The following CEP162 variants were observed in gnomAD, a reference collection of about 807,000 sequenced individuals.
CEP162 encodes centrosomal protein 162.
CEP162 carries 141 observed loss-of-function variants against 169.2 expected under a neutral mutation model. The ratio of observed to expected loss-of-function variants is 0.83; its 90% CI spans 0.73 to 0.96. CEP162 has a LOEUF of 0.96. Ranked by LOEUF, CEP162 falls within the 40% of genes least tolerant of loss-of-function variation. The pLI is 0.00. For missense variants in CEP162, 1,600 were observed against 1,587.2 expected, an observed-to-expected ratio of 1.01 and a Z score of -0.14; for synonymous variants, 540 against 526.4, an observed-to-expected ratio of 1.03 and a Z score of -0.35.
intron 7 of CEP162, among the ~76,000 whole-genome samples, chr6:84,202,249 T>C (rs1026477628): frequency 3.3e-5 from 5 of 152,184 alleles, no homozygotes; most frequent in Admixed American, 3.3e-4. Context: ...ACCAAACAGC[T>C]AGACAGCTGA....
chr6:84,132,192 A>G (rs1372677132), intron 25 of CEP162, among the ~76,000 whole-genome samples: 1 of 152,176 alleles, frequency 6.6e-6, no homozygotes, highest in Non-Finnish European at 1.5e-5. Context: ...TGGCTTGTAG[A>G]GTTTCTGCTG....
chr6:84,168,653 C>A (rs542608940), intron 18 of CEP162, among the ~76,000 whole-genome samples: 2 of 152,156 alleles, frequency 1.3e-5, no homozygotes, highest in South Asian at 4.1e-4. Flanking sequence ...TTCTTAGGGA[C>A]AGGGATGATA....
chr6:84,149,755 A>T (rs773410730), intron 23 of CEP162, 52 bp from the exon 24 acceptor site: 105 of 1,407,170 alleles, frequency 7.5e-5, no homozygotes, highest in Non-Finnish European at 9.8e-5. Flanking sequence ...TTCAACCTCT[A>T]ATTCAGAGTT....
intron 11 of CEP162, 31 bp downstream of exon 11, chr6:84,193,578 A>C: frequency 7.3e-7 from 1 of 1,370,152 alleles, no homozygotes; most frequent in South Asian, 1.3e-5. Context: ...AAAAGTTTCC[A>C]ATGACAAAAC....
At chr6:84,154,742 A>G (rs2099522487) in intron 22 of CEP162, among the ~76,000 whole-genome samples, 2 of 152,108 alleles carry the variant, frequency 1.3e-5, no homozygotes, top group African/African-American at 4.8e-5. Context: ...TATAACTGTT[A>G]TTTGTCTACA....
chr6:84,151,506 T>A (rs1388570083), intron 23 of CEP162, among the ~76,000 whole-genome samples: 1 of 152,030 alleles, frequency 6.6e-6, no homozygotes, highest in African/African-American at 2.4e-5. Context: ...AGAGAAGCAA[T>A]CCAATAAATA....
chr6:84,223,439 C>T (rs769362836), intron 2 of CEP162, among the ~76,000 whole-genome samples: 1 of 151,532 alleles, frequency 6.6e-6, no homozygotes, highest in Non-Finnish European at 1.5e-5. Context: ...GCAGAGGTTG[C>T]AGTGAGCCAA....
chr6:84,221,719 AC>A (rs554496366), intron 2 of CEP162, among the ~76,000 whole-genome samples: 1 of 151,986 alleles, frequency 6.6e-6, no homozygotes, highest in Non-Finnish European at 1.5e-5. Context: ...CCTCAGTATC[AC>A]CCCCCACCAC....
intron 21 of CEP162, among the ~76,000 whole-genome samples, chr6:84,158,195 T>A (rs1355233626): frequency 6.6e-6 from 1 of 152,234 alleles, no homozygotes; most frequent in East Asian, 1.9e-4. Context: ...AACAAAATAG[T>A]GCCTGAGAGG....
At chr6:84,155,551 A>C in intron 21 of CEP162, 41 bp from the exon 22 acceptor site, 2 of 1,333,344 alleles carry the variant, frequency 1.5e-6, no homozygotes, top group Non-Finnish European at 2.1e-6. Flanking sequence ...CTTAGATTTA[A>C]TAAATGAATT....
intron 25 of CEP162, among the ~76,000 whole-genome samples, chr6:84,135,635 G>A (rs1247367647): frequency 6.6e-6 from 1 of 152,124 alleles, no homozygotes; most frequent in African/African-American, 2.4e-5. Flanking sequence ...GGCTGAGACG[G>A]GTGAATCACT....
intron 11 of CEP162, among the ~76,000 whole-genome samples, chr6:84,188,725 T>C (rs2099538338): frequency 6.6e-6 from 1 of 152,174 alleles, no homozygotes; most frequent in Non-Finnish European, 1.5e-5. Flanking sequence ...GGTAGAACAA[T>C]TTATATTCCT....
chr6:84,189,358 G>C lies in CEP162; in HGVS notation c.1110-2735C>G, dbSNP rs537289733. 5.1e-3 allele frequency among the ~76,000 whole-genome samples: 780 copies of C among 152,308 alleles called. 12 individuals are homozygous for C. Among genetic ancestry groups the C allele is most frequent in the East Asian group, 0.016 (85 of 5,156 alleles). On this transcript the variant is annotated intron_variant, in intron 11 of 26. Coordinates refer to ENST00000403245, the MANE Select transcript of CEP162 (RefSeq NM_014895.4). ...AGAGCCCACTCCCTCAGCTTGCAGG[G>C]AGGTGTGGAGGGAGAGGCACGAGCG... is the stretch of plus-strand genomic sequence containing the variant.
At chr6:84,214,864 G>A (rs1250032593) in intron 5 of CEP162, among the ~76,000 whole-genome samples, 2 of 152,170 alleles carry the variant, frequency 1.3e-5, no homozygotes, top group Non-Finnish European at 2.9e-5. Flanking sequence ...ATAACCATCA[G>A]GGCCAACCAT....
rs759043831 is a variant in CEP162, at chr6:84,174,047, C to T, written c.2166+1G>A. 5 of 1,608,124 alleles carry T rather than the reference C, an allele frequency of 3.1e-6. No homozygotes were observed. In the South Asian group the frequency reaches 3.3e-5, roughly 11 times the overall value. On this transcript the variant is annotated splice_donor_variant, in intron 16 of 26. Coordinates refer to ENST00000403245, the MANE Select transcript of CEP162 (RefSeq NM_014895.4). LOFTEE classifies it high-confidence loss of function. ...TGCCATATGTTGAAGAATTGCCATA[C>T]CTGTTGATATCCTTGAAGAAGTGTC...
chr6:84,142,195 T>A (rs576589454), intron 25 of CEP162, among the ~76,000 whole-genome samples: 1 of 152,150 alleles, frequency 6.6e-6, no homozygotes, highest in Non-Finnish European at 1.5e-5. Context: ...AAATGAAAAA[T>A]TTTAAGTCTT....
Position 84,125,261 on chromosome 6 carries a change from G to A in CEP162, c.4021C>T (p.His1341Tyr). The change falls in exon 27 of 27, where the codon CAC (histidine) becomes TAC (tyrosine). Residue 1341 changes from histidine to tyrosine, a missense_variant. By Grantham distance (83) the His-to-Tyr change is moderately conservative. Transcript: ENST00000403245. ...QELQQIIQQT[H>Y]QVVETEQNKE... ...TTTTGCTCAGTTTCTACTACTTGGT[G>A]TGTTTGCTGTATTATCTGCAAATAC... 6.2e-7 allele frequency: 1 copy of A among 1,613,194 alleles called. No individual in the cohort carries two copies. The highest frequency in any genetic ancestry group is 8.5e-7 in the Non-Finnish European group (1 of 1,179,494).
chr6:84,165,914 T>C (rs1481025177), intron 18 of CEP162, among the ~76,000 whole-genome samples: 1 of 152,222 alleles, frequency 6.6e-6, no homozygotes, highest in African/African-American at 2.4e-5. Flanking sequence ...GAAACTAAAA[T>C]TGATCTAAAA....
At chr6:84,179,890 T>C (rs1404034953) in intron 13 of CEP162, among the ~76,000 whole-genome samples, 1 of 152,056 alleles carries the variant, frequency 6.6e-6, no homozygotes, top group Admixed American at 6.6e-5. Context: ...ACCAGACGGA[T>C]TCACAGCCAA....
Sources: gnomAD v4.1 joint callset for allele counts (sites outside exome capture counted in the v4.1 genomes callset) on GRCh38, gnomAD v4.1.1 for gene constraint, MANE v1.5 for transcripts, NCBI Gene and HGNC (gene_info 2026-07-23, HGNC 2026-07-21) for gene names.